SYNE1: variants seen among roughly 807,000 people sequenced by gnomAD.
The protein encoded by SYNE1 is nesprin-1.
In SYNE1, 616 loss-of-function variants were observed where a neutral mutation model predicts 1,111.0. That is an observed-to-expected ratio of 0.55 (90% CI 0.52 to 0.59). The LOEUF is 0.59. Ranked by LOEUF, SYNE1 falls within the 20% of genes least tolerant of loss-of-function variation. The probability of loss-of-function intolerance (pLI) is 0.00; values close to 1 mark genes in which losing one functional copy is unlikely to be tolerated. For synonymous variants in SYNE1, 3,855 were observed against 3,825.8 expected, an observed-to-expected ratio of 1.01 and a Z score of -0.28; for missense variants, 10,006 against 10,417.0, an observed-to-expected ratio of 0.96 and a Z score of 1.72.
chr6:152,147,992 T>C, intron 137 of SYNE1, 53 bp downstream of exon 137: 1 of 1,474,608 alleles, frequency 6.8e-7, no homozygotes, highest in East Asian at 2.3e-5. Flanking sequence ...AGGGCAATAT[T>C]AATTCCCTCT....
At chr6:152,159,796 A>C (rs1395037327) in intron 131 of SYNE1, among the ~76,000 whole-genome samples, 2 of 152,126 alleles carry the variant, frequency 1.3e-5, no homozygotes. Context: ...AGTAATATAT[A>C]ACTTCTCTAT....
At chr6:152,209,362 C>T (rs998373268) in intron 124 of SYNE1, among the ~76,000 whole-genome samples, 1 of 152,152 alleles carries the variant, frequency 6.6e-6, no homozygotes, top group African/African-American at 2.4e-5. Flanking sequence ...AGGTGAATAA[C>T]ACCCAGACAA....
Position 152,218,995 on chromosome 6 carries a change from C to A in SYNE1, c.22044+8G>T, listed in dbSNP as rs377134759. On this transcript the variant is annotated splice_region_variant and intron_variant, in intron 120 of 145. Coordinates refer to ENST00000367255, the MANE Select transcript of SYNE1 (RefSeq NM_182961.4). ...ATATACAGAAGATACTAAATAGGAG[C>A]TCTGTACCTGTAATGAAGTCTGCTG... 7.4e-6 allele frequency: 12 copies of A among 1,613,284 alleles called. No individual in the cohort carries two copies. The African/African-American group carries it at 1.5e-4, about 20-fold the overall frequency.
At position 152,358,367 on chromosome 6, in the gene SYNE1, C is replaced by G. The variant is rs1470021286; in HGVS notation, c.10608+6G>C. On this transcript the variant is annotated splice_donor_region_variant and intron_variant, in intron 66 of 145. Transcript: ENST00000367255. The stretch of plus-strand genomic sequence containing the variant: ...TTCCTTTGTTTTAGGATAAAGGAGG[C>G]CTTACCTGAAGATCACGCAATGTTG... 1.2e-6 allele frequency: 2 copies of G among 1,613,998 alleles called. No homozygotes were observed. Among genetic ancestry groups the G allele is most frequent in the African/African-American group, 1.3e-5 (1 of 74,918 alleles).
intron 126 of SYNE1, among the ~76,000 whole-genome samples, chr6:152,205,632 A>G (rs1053651593): frequency 6.6e-6 from 1 of 152,260 alleles, no homozygotes; most frequent in African/African-American, 2.4e-5. Context: ...GGATAAATCT[A>G]CATTTTCCAA....
At chr6:152,377,475 G>A (rs1490547708) in intron 56 of SYNE1, among the ~76,000 whole-genome samples, 2 of 150,782 alleles carry the variant, frequency 1.3e-5, no homozygotes, top group Non-Finnish European at 3.0e-5. Context: ...CAGTTGTGGT[G>A]GTGGGCGCCT....
At chr6:152,528,709 G>C (rs970598484) in intron 4 of SYNE1, among the ~76,000 whole-genome samples, 17 of 152,156 alleles carry the variant, frequency 1.1e-4, no homozygotes, top group African/African-American at 4.1e-4. Context: ...GCCAGTATAT[G>C]TTAGATATGT....
intron 2 of SYNE1, among the ~76,000 whole-genome samples, chr6:152,634,826 C>T (rs1022250832): frequency 6.6e-6 from 1 of 152,212 alleles, no homozygotes; most frequent in Non-Finnish European, 1.5e-5. Context: ...GTATATTGCA[C>T]ACCTTGCCAA....
chr6:152,409,605 C>A lies in SYNE1; in HGVS notation c.6335G>T (p.Arg2112Ile). 1 of 1,613,846 alleles carries A rather than the reference C, an allele frequency of 6.2e-7. No individual in the cohort carries two copies. Among genetic ancestry groups the A allele is most frequent in the Non-Finnish European group, 8.5e-7 (1 of 1,179,954 alleles). ...ATCCTCCTGATCTTTTATGGTAGTT[C>A]TGGTTACAATCACACTGCTGGCATT... ...LENASSVIVT[R>I]TTIKDQEDLK... The change falls in exon 43 of 146, where the codon AGA becomes ATA. Residue 2112 changes from arginine (R) to isoleucine (I), a missense_variant. Arg to Ile is a moderately conservative substitution (Grantham distance 97, BLOSUM62 -3). Coordinates refer to ENST00000367255, the MANE Select transcript of SYNE1 (RefSeq NM_182961.4).
At chr6:152,435,362 T>C (rs2098464096) in intron 33 of SYNE1, 1 of 150,614 alleles carries the variant, frequency 6.6e-6, no homozygotes, top group African/African-American at 2.5e-5. Flanking sequence ...TATAACAGGA[T>C]ATCAATAGGC....
At chr6:152,247,932 C>G (rs1161729957) in intron 105 of SYNE1, among the ~76,000 whole-genome samples, 1 of 151,580 alleles carries the variant, frequency 6.6e-6, no homozygotes, top group African/African-American at 2.4e-5. Flanking sequence ...TCCATAGATT[C>G]CCGGGAAGTT....
At position 152,300,713 on chromosome 6, in the gene SYNE1, G is replaced by C; in HGVS notation, c.17610C>G (p.Asn5870Lys). The change falls in exon 93 of 146, where the codon AAC becomes AAG. Residue 5870 changes from asparagine (N) to lysine (K), a missense_variant. Asn to Lys is a moderately conservative substitution (Grantham distance 94). Around this residue, in one of 7 missense-constraint regions of SYNE1, gnomAD observed 4,955 missense variants for 5,017.2 expected, o/e 0.99. Coordinates refer to ENST00000367255, the MANE Select transcript of SYNE1 (RefSeq NM_182961.4). ...VTEESGEEGT[N>K]SEISSPPACR... The stretch of plus-strand genomic sequence containing the variant: ...AGGCAGGTGGAGAGGAAATCTCACT[G>C]TTGGTTCCCTCCTCCCCAGACTCCT... The C allele has an allele frequency of 6.2e-7, 1 of 1,614,216 alleles. No homozygotes were observed. The highest frequency in any genetic ancestry group is 8.5e-7 in the Non-Finnish European group (1 of 1,180,038).
Position 152,149,592 on chromosome 6 carries a change from T to G in SYNE1, c.24527A>C (p.Lys8176Thr). 2 of 1,614,188 alleles carry G rather than the reference T, an allele frequency of 1.2e-6. No individual in the cohort carries two copies. Among genetic ancestry groups the G allele is most frequent in the Non-Finnish European group, 1.7e-6 (2 of 1,180,028 alleles). The change falls in exon 136 of 146, where the codon AAG (lysine) becomes ACG (threonine). Residue 8176 changes from lysine (K) to threonine (T), a missense_variant. Coordinates refer to ENST00000367255, the MANE Select transcript of SYNE1 (RefSeq NM_182961.4). ...IIAQGEQLIE[K>T]SEPLDAAIIE... ...GATCGCTGCATCCAAGGGCTCACTC[T>G]TTTCTATCAGCTGTTCTCCTTGGGC... is the stretch of plus-strand genomic sequence containing the variant.
chr6:152,442,975 T>C (rs2098546013), intron 30 of SYNE1, among the ~76,000 whole-genome samples: 1 of 152,188 alleles, frequency 6.6e-6, no homozygotes, highest in Admixed American at 6.5e-5. Flanking sequence ...ATTTATTTCC[T>C]AAGTATATTC....
intron 96 of SYNE1, 32 bp from the exon 97 acceptor site, chr6:152,282,012 A>G: frequency 6.2e-7 from 1 of 1,606,510 alleles, no homozygotes; most frequent in Non-Finnish European, 8.5e-7. Context: ...AATATAGATC[A>G]CGCTAAGGTA....
intron 3 of SYNE1, among the ~76,000 whole-genome samples, chr6:152,557,958 T>G (rs921819774): frequency 6.6e-6 from 1 of 152,116 alleles, no homozygotes; most frequent in Non-Finnish European, 1.5e-5. Flanking sequence ...CACTTTGATA[T>G]AAAAGTTAAA....
rs372948963 is a variant in SYNE1 at position 152,560,547 on chromosome 6, A to T, written c.68-20526T>A. ...AATACCAATCTTTCCCAAACTGTTT[A>T]AAAAATTAATGAGAATGAACCACTT... On this transcript the variant is annotated intron_variant, in intron 3 of 145. Coordinates refer to ENST00000367255, the MANE Select transcript of SYNE1 (RefSeq NM_182961.4). Among the ~76,000 whole-genome samples the T allele has an allele frequency of 4.7e-4, 72 of 152,312 alleles. 2 individuals carry two copies. Among genetic ancestry groups the T allele is most frequent in the African/African-American group, 1.4e-3 (60 of 41,570 alleles).
intron 34 of SYNE1, among the ~76,000 whole-genome samples, chr6:152,432,393 C>T (rs1367262336): frequency 6.6e-6 from 1 of 152,062 alleles, no homozygotes; most frequent in Non-Finnish European, 1.5e-5. Flanking sequence ...ACAGTGTATT[C>T]CACTGTAACT....
intron 127 of SYNE1, among the ~76,000 whole-genome samples, chr6:152,200,486 C>T (rs568944502): frequency 9.1e-4 from 138 of 151,914 alleles, no homozygotes; most frequent in South Asian, 1.7e-3. Flanking sequence ...TCACTGCAGC[C>T]TCAGATTCCT....
Sources: gnomAD v4.1 joint callset for allele counts (sites outside exome capture counted in the v4.1 genomes callset) on GRCh38, gnomAD v4.1.1 for gene constraint, gnomAD v4.1.1 regional missense constraint, MANE v1.5 for transcripts, NCBI Gene and HGNC (gene_info 2026-07-23, HGNC 2026-07-21) for gene names.